The following MARCHF11 variants were observed in gnomAD, a reference collection of about 807,000 sequenced individuals.
The protein encoded by MARCHF11 is membrane associated ring-CH-type finger 11, also known as E3 ubiquitin-protein ligase MARCHF11.
In MARCHF11, 29 loss-of-function variants were observed where a neutral mutation model predicts 37.3. That is an observed-to-expected ratio of 0.78 (90% confidence interval 0.58 to 1.06). MARCHF11 has a LOEUF of 1.06. Ranked by LOEUF, MARCHF11 falls within the 50% of genes least tolerant of loss-of-function variation. The pLI is 0.00. For missense variants in MARCHF11, 482 were observed against 533.4 expected (o/e 0.90, Z 0.95); for synonymous variants, 233 against 228.0 (o/e 1.02, Z -0.20).
intron 2 of MARCHF11, among the ~76,000 whole-genome samples, chr5:16,156,805 T>C (rs1737984078): frequency 6.6e-6 from 1 of 151,830 alleles, no homozygotes; most frequent in African/African-American, 2.4e-5. Flanking sequence ...GTTCCTAAAC[T>C]ACAAGCCTAT....
At chr5:16,109,219 C>T (rs80087817) in intron 2 of MARCHF11, among the ~76,000 whole-genome samples, 3,294 of 152,028 alleles carry the variant, frequency 0.022, 128 homozygotes, top group African/African-American at 0.076. Context: ...GTCTTCTGTA[C>T]ACTAATAAGA....
intron 2 of MARCHF11, among the ~76,000 whole-genome samples, chr5:16,161,391 A>C (rs1738074048): frequency 6.6e-6 from 1 of 151,912 alleles, no homozygotes; most frequent in South Asian, 2.1e-4. Flanking sequence ...TCCTGAATAA[A>C]GGATTCTTAA....
chr5:16,098,901 A>G (rs1042546402), intron 2 of MARCHF11, among the ~76,000 whole-genome samples: 1 of 152,206 alleles, frequency 6.6e-6, no homozygotes, highest in Non-Finnish European at 1.5e-5. Flanking sequence ...CTTAAGACTA[A>G]TTTTTTAAAA....
intron 2 of MARCHF11, among the ~76,000 whole-genome samples, chr5:16,134,998 T>TCTCTCTCACACACA (rs137865822): frequency 3.5e-5 from 5 of 143,804 alleles, no homozygotes; most frequent in African/African-American, 1.0e-4. Flanking sequence ...TCTCTCTCTC[T>TCTCTCTCACACACA]CACACACACA....
At chr5:16,169,022 A>G (rs1280372522) in intron 2 of MARCHF11, among the ~76,000 whole-genome samples, 1 of 152,076 alleles carries the variant, frequency 6.6e-6, no homozygotes, top group East Asian at 1.9e-4. Flanking sequence ...TATAAGAAAA[A>G]TCCCCTCACA....
intron 2 of MARCHF11, among the ~76,000 whole-genome samples, chr5:16,155,342 C>T (rs1319929853): frequency 6.6e-6 from 1 of 151,538 alleles, no homozygotes; most frequent in African/African-American, 2.4e-5. Flanking sequence ...CACCAGGAGG[C>T]AAAATGGATT....
At chr5:16,110,438 C>T (rs1381961108) in intron 2 of MARCHF11, among the ~76,000 whole-genome samples, 1 of 152,146 alleles carries the variant, frequency 6.6e-6, no homozygotes, top group African/African-American at 2.4e-5. Flanking sequence ...GACTTACAGG[C>T]TGCTACTCAT....
chr5:16,155,483 A>G (rs2126600825), intron 2 of MARCHF11, among the ~76,000 whole-genome samples: 1 of 151,970 alleles, frequency 6.6e-6, no homozygotes, highest in African/African-American at 2.4e-5. Context: ...TTATTTATGT[A>G]GTTAAAACAG....
At chr5:16,118,164 C>T (rs374056424) in intron 2 of MARCHF11, among the ~76,000 whole-genome samples, 54 of 152,138 alleles carry the variant, frequency 3.5e-4, no homozygotes, top group African/African-American at 1.1e-3. Context: ...AGATGGGACG[C>T]GCGGGGGGAA....
At chr5:16,160,107 C>T (rs173176) in intron 2 of MARCHF11, among the ~76,000 whole-genome samples, 146,599 of 151,334 alleles carry the variant, frequency 0.97, 71,103 homozygotes, top group East Asian at 1. Flanking sequence ...TGGCTGCTTT[C>T]AGATACATTA....
chr5:16,139,558 A>T (rs1737668548), intron 2 of MARCHF11, among the ~76,000 whole-genome samples: 1 of 152,222 alleles, frequency 6.6e-6, no homozygotes, highest in African/African-American at 2.4e-5. Context: ...AAAGCATACC[A>T]GACCAGTACC....
chr5:16,177,265 G>A (rs1271852506), intron 2 of MARCHF11, among the ~76,000 whole-genome samples: 3 of 152,202 alleles, frequency 2.0e-5, no homozygotes, highest in African/African-American at 7.2e-5. Flanking sequence ...ATAACATTCA[G>A]ATTAGAACTA....
In MARCHF11 at chr5:16,147,589, CTA is replaced by C. The variant is rs1737819838; in HGVS notation, c.693+30135_693+30136del. On this transcript the variant is annotated intron_variant, in intron 2 of 3. Transcript: ENST00000332432. The stretch of plus-strand genomic sequence containing the variant: ...TGGGAGCTTGGCTACCTCATCTCCT[CTA>C]TGAGTAAAGAGGCTTGGTCTAGATG... 3.3e-5 allele frequency among the ~76,000 whole-genome samples: 5 copies of C among 152,224 alleles called. No individual in the cohort carries two copies. In the South Asian group the frequency reaches 1.0e-3, roughly 32 times the overall value.
intron 2 of MARCHF11, among the ~76,000 whole-genome samples, chr5:16,162,731 G>A (rs1347693067): frequency 6.6e-6 from 1 of 151,762 alleles, no homozygotes; most frequent in Non-Finnish European, 1.5e-5. Context: ...TATCTAGTAG[G>A]TAATTAATAA....
intron 2 of MARCHF11, among the ~76,000 whole-genome samples, chr5:16,093,303 C>G (rs964119190): frequency 2.6e-5 from 4 of 152,116 alleles, no homozygotes; most frequent in Non-Finnish European, 4.4e-5. Context: ...ATGATGTAAT[C>G]TTAGGGGAGT....
chr5:16,178,553 T>G (rs1012165843), intron 1 of MARCHF11, among the ~76,000 whole-genome samples: 2 of 152,220 alleles, frequency 1.3e-5, no homozygotes, highest in Non-Finnish European at 2.9e-5. Context: ...CTATTTCTCT[T>G]GTAAAAACTA....
chr5:16,072,329 C>T (rs1292697763), intron 3 of MARCHF11, among the ~76,000 whole-genome samples: 1 of 151,812 alleles, frequency 6.6e-6, no homozygotes, highest in Non-Finnish European at 1.5e-5. Context: ...ATGGACTAAA[C>T]ATTTGTGTCC....
Position 16,177,576 on chromosome 5 carries a change from CAT to C in MARCHF11, c.693+148_693+149del, listed in dbSNP as rs140501458. On this transcript the variant is annotated intron_variant, in intron 2 of 3. Coordinates refer to ENST00000332432, the MANE Select transcript of MARCHF11 (RefSeq NM_001102562.3). ...AAATGTCATGGCTTTCTCAAAAACA[CAT>C]GTTTACAAATTCTAAATCTTGGTTT... The C allele has an allele frequency of 1.6e-3, 865 of 546,116 alleles. 7 individuals carry two copies. Among genetic ancestry groups the C allele is most frequent in the African/African-American group, 0.015 (788 of 51,504 alleles). The allele number at this position is 546,116 out of a possible 1,614,324, so 33.8% of individuals were successfully genotyped here.
At chr5:16,157,688 A>C (rs957392007) in intron 2 of MARCHF11, among the ~76,000 whole-genome samples, 1 of 151,942 alleles carries the variant, frequency 6.6e-6, no homozygotes, top group African/African-American at 2.4e-5. Flanking sequence ...AATCAACTCA[A>C]AATGATTTAC....
Sources: gnomAD v4.1 joint callset for allele counts (sites outside exome capture counted in the v4.1 genomes callset) on GRCh38, gnomAD v4.1.1 for gene constraint, MANE v1.5 for transcripts, NCBI Gene and HGNC (gene_info 2026-07-23, HGNC 2026-07-21) for gene names.